Variants in TAFA4 observed in about 807,000 individuals in gnomAD.
The protein encoded by TAFA4 is chemokine-like protein TAFA-4.
In TAFA4, 20 loss-of-function variants were observed where a neutral mutation model predicts 21.1. The ratio of observed to expected loss-of-function variants is 0.95; its 90% CI spans 0.67 to 1.38. The LOEUF is 1.38. Ranked by LOEUF, TAFA4 falls within the 40% of genes most tolerant of loss-of-function variation. The probability of loss-of-function intolerance (pLI) is 0.00; values close to 1 mark genes in which losing one functional copy is unlikely to be tolerated. For missense variants in TAFA4, 211 were observed against 180.9 expected, an observed-to-expected ratio of 1.17 and a Z score of -0.95; for synonymous variants, 71 against 67.4, an observed-to-expected ratio of 1.05 and a Z score of -0.26.
intron 3 of TAFA4, among the ~76,000 whole-genome samples, chr3:68,774,378 T>C (rs986978338): frequency 6.6e-6 from 1 of 152,228 alleles, no homozygotes; most frequent in African/African-American, 2.4e-5. Context: ...AAATGGCTCT[T>C]GAACCGGAGG....
chr3:68,871,255 A>T (rs903760907), intron 3 of TAFA4, among the ~76,000 whole-genome samples: 2 of 152,260 alleles, frequency 1.3e-5, no homozygotes, highest in South Asian at 4.1e-4. Flanking sequence ...ACACATGCAC[A>T]CGAATGTTTA....
chr3:68,850,579 C>G (rs919103801), intron 3 of TAFA4, among the ~76,000 whole-genome samples: 1 of 152,124 alleles, frequency 6.6e-6, no homozygotes, highest in South Asian at 2.1e-4. Flanking sequence ...TCAATAATTG[C>G]CATTCTGACT....
intron 3 of TAFA4, among the ~76,000 whole-genome samples, chr3:68,802,156 A>G (rs1703592809): frequency 6.6e-6 from 1 of 152,232 alleles, no homozygotes. Context: ...AGGAAAAACT[A>G]TTCCAATTGA....
chr3:68,817,008 T>C (rs747759996), intron 3 of TAFA4, among the ~76,000 whole-genome samples: 7 of 152,200 alleles, frequency 4.6e-5, no homozygotes, highest in Admixed American at 2.6e-4. Flanking sequence ...GGCAATTTCT[T>C]AAAGTAAGAC....
chr3:68,905,851 G>GTCC (rs2106993609), intron 1 of TAFA4, among the ~76,000 whole-genome samples: 1 of 152,256 alleles, frequency 6.6e-6, no homozygotes, highest in East Asian at 1.9e-4. Flanking sequence ...AAGAAACAGG[G>GTCC]TCCTCTCCTG....
chr3:68,790,537 A>C (rs1009751870), intron 3 of TAFA4, among the ~76,000 whole-genome samples: 5 of 152,184 alleles, frequency 3.3e-5, no homozygotes, highest in African/African-American at 4.8e-5. Flanking sequence ...ATAAATGGGG[A>C]AAAAGGACCA....
intron 1 of TAFA4, among the ~76,000 whole-genome samples, chr3:68,885,972 C>T (rs1004395061): frequency 7.9e-5 from 12 of 152,018 alleles, no homozygotes; most frequent in Non-Finnish European, 1.3e-4. Flanking sequence ...CTAAAGCAAA[C>T]ACATCTTAAG....
Position 68,870,198 on chromosome 3 carries a change from A to G in TAFA4, c.130+10532T>C, listed in dbSNP as rs552808439. Among the ~76,000 whole-genome samples the G allele has an allele frequency of 1.3e-5, 2 of 152,240 alleles. 1 individual carries two copies. Among genetic ancestry groups the G allele is most frequent in the South Asian group, 4.1e-4 (2 of 4,830 alleles). On this transcript the variant is annotated intron_variant, in intron 3 of 5. Transcript: ENST00000295569. ...ATTAAACATTGATGAAAGTCAATGAAGAAGACACACAAAAAAAGAAACACG... is the reference window on the plus strand; with the variant it reads ...ATTAAACATTGATGAAAGTCAATGAGGAAGACACACAAAAAAAGAAACACG...
At chr3:68,756,430 C>T (rs1041908297) in intron 3 of TAFA4, among the ~76,000 whole-genome samples, 6 of 152,126 alleles carry the variant, frequency 3.9e-5, no homozygotes, top group African/African-American at 1.4e-4. Flanking sequence ...CTGAGGATTC[C>T]CACTGGTTAA....
At chr3:68,898,833 A>G (rs753901936) in intron 1 of TAFA4, among the ~76,000 whole-genome samples, 1 of 152,308 alleles carries the variant, frequency 6.6e-6, no homozygotes, top group Middle Eastern at 3.4e-3. Context: ...CAAGTATACA[A>G]TATTAGTGGT....
At chr3:68,776,792 C>G (rs1703057039) in intron 3 of TAFA4, among the ~76,000 whole-genome samples, 1 of 151,908 alleles carries the variant, frequency 6.6e-6, no homozygotes, top group Non-Finnish European at 1.5e-5. Flanking sequence ...CTATTAAAAT[C>G]ACAAAAAACA....
chr3:68,885,689 G>C (rs1006063026), intron 1 of TAFA4, among the ~76,000 whole-genome samples: 2 of 152,160 alleles, frequency 1.3e-5, no homozygotes, highest in Non-Finnish European at 2.9e-5. Flanking sequence ...CATGCAATTT[G>C]CCCAAGCCCA....
rs1348018956 is a variant in TAFA4 at position 68,873,333 on chromosome 3, G to GACACACACACACACACACAC, written c.130+7396_130+7397insGTGTGTGTGTGTGTGTGTGT. Among the ~76,000 whole-genome samples the GACACACACACACACACACAC allele has an allele frequency of 2.1e-4, 10 of 46,968 alleles. No individual in the cohort carries two copies. In the East Asian group the frequency reaches 6.2e-3, roughly 29 times the overall value. 30.8% of individuals were successfully genotyped at this position (46,968 alleles called of 152,430 possible). On this transcript the variant is annotated intron_variant, in intron 3 of 5. Coordinates refer to ENST00000295569, the MANE Select transcript of TAFA4 (RefSeq NM_182522.5). ...CACACACAACAGACAGACACACGCAGACATACACACACACACACACACACA... is the reference window on the plus strand; with the variant it reads ...CACACACAACAGACAGACACACGCAGACACACACACACACACACACACATACACACACACACACACACACA...
intron 1 of TAFA4, among the ~76,000 whole-genome samples, chr3:68,905,868 G>T (rs1432699145): frequency 6.6e-6 from 1 of 152,190 alleles, no homozygotes; most frequent in African/African-American, 2.4e-5. Flanking sequence ...CCTGGAGCAG[G>T]CTTCCAAGCA....
intron 3 of TAFA4, among the ~76,000 whole-genome samples, chr3:68,793,266 T>C (rs536965313): frequency 6.6e-6 from 1 of 152,248 alleles, no homozygotes; most frequent in South Asian, 2.1e-4. Flanking sequence ...AAAAGGAGAA[T>C]GGAATATTGT....
intron 1 of TAFA4, among the ~76,000 whole-genome samples, chr3:68,891,698 G>A (rs2089732152): frequency 1.3e-5 from 2 of 152,192 alleles, no homozygotes; most frequent in Admixed American, 6.5e-5. Flanking sequence ...GGTTTGGGGA[G>A]TAACTAGAGG....
At chr3:68,806,035 C>G (rs1321660183) in intron 3 of TAFA4, among the ~76,000 whole-genome samples, 1 of 151,712 alleles carries the variant, frequency 6.6e-6, no homozygotes, top group Non-Finnish European at 1.5e-5. Context: ...CAGAAAATAA[C>G]TCAAAAACAA....
Position 68,739,194 on chromosome 3 carries a change from T to C in TAFA4, c.292A>G (p.Ile98Val), listed in dbSNP as rs750471466. ...TGACACCACCATTTCTGAATCACAATGGAAGCTGGAAAACAAAGGCCAAAT... is the reference window on the plus strand; with the variant it reads ...TGACACCACCATTTCTGAATCACAACGGAAGCTGGAAAACAAAGGCCAAAT... ...RAQPSCVEASIVIQKWWCHMN... is the reference protein window; with the variant it reads ...RAQPSCVEASVVIQKWWCHMN... Residue 98 changes from isoleucine to valine, a missense_variant, in exon 5 of 6, where the codon ATT becomes GTT. Ile to Val is a conservative substitution (Grantham distance 29). Transcript: ENST00000295569. The C allele has an allele frequency of 2.5e-6, 4 of 1,613,198 alleles. No homozygotes were observed. In the Admixed American group the frequency reaches 5.0e-5, roughly 20 times the overall value.
intron 3 of TAFA4, among the ~76,000 whole-genome samples, chr3:68,802,065 C>A (rs1463743122): frequency 6.6e-6 from 1 of 152,030 alleles, no homozygotes; most frequent in Non-Finnish European, 1.5e-5. Context: ...TCTATGTTCA[C>A]AAAGTTTTTC....
Sources: gnomAD v4.1 joint callset for allele counts (sites outside exome capture counted in the v4.1 genomes callset) on GRCh38, gnomAD v4.1.1 for gene constraint, MANE v1.5 for transcripts, NCBI Gene and HGNC (gene_info 2026-07-23, HGNC 2026-07-21) for gene names.